NELL2: variants seen among roughly 807,000 people sequenced by gnomAD.
The protein encoded by NELL2 is protein kinase C-binding protein NELL2.
A neutral mutation model predicts 109.6 loss-of-function variants in NELL2; 41 were observed. The ratio of observed to expected loss-of-function variants is 0.37; its 90% CI spans 0.29 to 0.49. NELL2 has a LOEUF of 0.49. NELL2 is among the 20% of genes least tolerant of loss of function. The pLI is 0.98. For synonymous variants in NELL2, 355 were observed against 344.7 expected (o/e 1.03, Z -0.33); for missense variants, 900 against 1,008.3 (o/e 0.89, Z 1.45).
intron 18 of NELL2, 118 bp from the exon 19 acceptor site, chr12:44,520,347 A>C: frequency 1.3e-6 from 1 of 747,638 alleles, no homozygotes; most frequent in East Asian, 2.7e-5. Context: ...ATTGATATTT[A>C]AACTTAGATC....
chr12:44,848,612 T>A (rs1242261734), intron 2 of NELL2, among the ~76,000 whole-genome samples: 1 of 152,064 alleles, frequency 6.6e-6, no homozygotes. Context: ...TTTGTTTTAG[T>A]TATGAGGTCA....
rs143624029 is a variant in NELL2 at position 44,728,033 on chromosome 12, C to T, written c.995-13292G>A. On this transcript the variant is annotated intron_variant, in intron 9 of 19. Transcript: ENST00000429094. Reference sequence around the variant, plus strand: ...TCTTGTTCATACTCTCACTCACACACACACACACAAAATTATTACTTTAAT... The same window carrying T: ...TCTTGTTCATACTCTCACTCACACATACACACACAAAATTATTACTTTAAT... 1.1e-4 allele frequency among the ~76,000 whole-genome samples: 16 copies of T among 152,064 alleles called. No homozygotes were observed. In the East Asian group the frequency reaches 2.1e-3, roughly 20 times the overall value.
Position 44,718,247 on chromosome 12 carries a change from C to T in NELL2, c.995-3506G>A, listed in dbSNP as rs915204318. On this transcript the variant is annotated intron_variant, in intron 9 of 19. Transcript: ENST00000429094. The stretch of plus-strand genomic sequence containing the variant: ...TAATTTTAACCAAGGCGAACCCATG[C>T]AGGTATCAGGTGCAAATTCTGAGAG... 2.6e-5 allele frequency among the ~76,000 whole-genome samples: 4 copies of T among 152,100 alleles called. 1 individual carries two copies. Among genetic ancestry groups the T allele is most frequent in the Admixed American group, 2.0e-4 (3 of 15,268 alleles).
chr12:44,811,354 A>AAAAC (rs1212215422), intron 3 of NELL2, among the ~76,000 whole-genome samples: 4 of 151,334 alleles, frequency 2.6e-5, no homozygotes, highest in Non-Finnish European at 5.9e-5. Context: ...AAAAAAAAAA[A>AAAAC]AAAAATTAAA....
At chr12:44,896,145 T>TTA (rs1338675281) in intron 1 of NELL2, among the ~76,000 whole-genome samples, 1 of 152,132 alleles carries the variant, frequency 6.6e-6, no homozygotes, top group Non-Finnish European at 1.5e-5. Flanking sequence ...TGTGGCTAAA[T>TTA]TAGAAAGCAA....
intron 1 of NELL2, among the ~76,000 whole-genome samples, chr12:44,912,507 C>A (rs1056200421): frequency 2.0e-5 from 3 of 152,002 alleles, no homozygotes; most frequent in Admixed American, 6.6e-5. Flanking sequence ...ACAATAGAAT[C>A]TTTTTTTAAA....
intron 19 of NELL2, among the ~76,000 whole-genome samples, chr12:44,511,063 T>C (rs1189365173): frequency 6.6e-6 from 1 of 152,160 alleles, no homozygotes; most frequent in Admixed American, 6.6e-5. Flanking sequence ...TAGAACCCTA[T>C]GGGGAAGAAA....
At chr12:44,898,078 G>T (rs71459276) in intron 1 of NELL2, among the ~76,000 whole-genome samples, 14,135 of 152,258 alleles carry the variant, frequency 0.093, 842 homozygotes, top group East Asian at 0.17. Flanking sequence ...TCTGGGCAGG[G>T]CATCTCTGAA....
chr12:44,917,909 C>G (rs1241123637), upstream of NELL2, among the ~76,000 whole-genome samples: 1 of 152,182 alleles, frequency 6.6e-6, no homozygotes, highest in East Asian at 1.9e-4. Flanking sequence ...CAGGGCTCTC[C>G]GCCATATAGC....
intron 1 of NELL2, among the ~76,000 whole-genome samples, chr12:44,898,044 T>C (rs1459318344): frequency 1.3e-5 from 2 of 152,196 alleles, no homozygotes; most frequent in African/African-American, 4.8e-5. Flanking sequence ...GCAAAGCCCC[T>C]GTAGCCAGAC....
At chr12:44,634,749 C>T (rs540858369) in intron 13 of NELL2, among the ~76,000 whole-genome samples, 4 of 152,342 alleles carry the variant, frequency 2.6e-5, no homozygotes, top group South Asian at 2.1e-4. Context: ...AATCACCACA[C>T]TGTCTTCCAC....
At chr12:44,710,241 A>G (rs1315308842) in intron 11 of NELL2, among the ~76,000 whole-genome samples, 1 of 152,172 alleles carries the variant, frequency 6.6e-6, no homozygotes, top group Admixed American at 6.6e-5. Flanking sequence ...AAAACAGTGT[A>G]TGTTTCATAA....
At chr12:44,705,420 C>T (rs560668534) in intron 11 of NELL2, among the ~76,000 whole-genome samples, 7 of 152,232 alleles carry the variant, frequency 4.6e-5, no homozygotes, top group South Asian at 2.1e-4. Flanking sequence ...TACTTGGCAA[C>T]GTAGCTTCTT....
intron 13 of NELL2, among the ~76,000 whole-genome samples, chr12:44,617,223 G>T (rs1414406756): frequency 6.6e-6 from 1 of 152,156 alleles, no homozygotes; most frequent in East Asian, 1.9e-4. Context: ...TAGAAAAAAT[G>T]AGAGAATTAT....
intron 9 of NELL2, among the ~76,000 whole-genome samples, chr12:44,748,655 A>T (rs1940506597): frequency 6.6e-6 from 1 of 152,174 alleles, no homozygotes; most frequent in East Asian, 1.9e-4. Context: ...ATTAAATTAA[A>T]TACTTTGCTT....
chr12:44,636,224 T>A (rs12817968), intron 13 of NELL2, among the ~76,000 whole-genome samples: 17,822 of 152,198 alleles, frequency 0.12, 1,226 homozygotes, highest in East Asian at 0.2. Context: ...TCATGTCATT[T>A]GCAAACAGAG....
At chr12:44,753,093 A>G (rs79726427) in intron 9 of NELL2, among the ~76,000 whole-genome samples, 14 of 152,046 alleles carry the variant, frequency 9.2e-5, no homozygotes, top group Non-Finnish European at 1.8e-4. Context: ...TCTTGAACTT[A>G]CTGTCCTCCA....
intron 15 of NELL2, among the ~76,000 whole-genome samples, chr12:44,605,052 A>T (rs1945346572): frequency 6.6e-6 from 1 of 152,094 alleles, no homozygotes; most frequent in South Asian, 2.1e-4. Flanking sequence ...AGAAAAGAAT[A>T]TTCAGGTTTT....
intron 3 of NELL2, among the ~76,000 whole-genome samples, chr12:44,787,146 C>A (rs981059583): frequency 6.6e-6 from 1 of 151,702 alleles, no homozygotes; most frequent in East Asian, 1.9e-4. Context: ...TACATGGATA[C>A]CAAAATTAAA....
Sources: allele counts gnomAD v4.1 joint callset (sites outside exome capture counted in the v4.1 genomes callset), GRCh38; gene constraint gnomAD v4.1.1; transcripts MANE v1.5; gene names NCBI Gene and HGNC (gene_info 2026-07-23, HGNC 2026-07-21).